Variants in CPED1 observed in about 807,000 individuals in gnomAD.
CPED1 encodes the protein cadherin-like and PC-esterase domain-containing protein 1.
In CPED1, 114 loss-of-function variants were observed where a neutral mutation model predicts 128.2. That is an observed-to-expected ratio of 0.89 (90% confidence interval 0.76 to 1.04). The LOEUF is 1.04. Ranked by LOEUF, CPED1 falls within the 50% of genes least tolerant of loss-of-function variation. CPED1 has a pLI of 0.00. For missense variants in CPED1, 1,211 were observed against 1,207.1 expected, an observed-to-expected ratio of 1.00 and a Z score of -0.05; for synonymous variants, 462 against 426.7, an observed-to-expected ratio of 1.08 and a Z score of -1.02.
intron 16 of CPED1, among the ~76,000 whole-genome samples, chr7:121,208,156 A>T (rs1797562355): frequency 6.6e-6 from 1 of 152,154 alleles, no homozygotes; most frequent in East Asian, 1.9e-4. Flanking sequence ...CCATGACATT[A>T]TCAGGATAAA....
intron 1 of CPED1, 197 bp from the exon 2 acceptor site, chr7:120,989,194 A>G (rs534353465): frequency 5.8e-6 from 1 of 171,908 alleles, no homozygotes; most frequent in African/African-American, 2.4e-5. Flanking sequence ...GCGTTCTTCA[A>G]TGCTGTTTTC....
At chr7:120,994,295 C>T (rs1008845664) in intron 2 of CPED1, among the ~76,000 whole-genome samples, 2 of 152,156 alleles carry the variant, frequency 1.3e-5, no homozygotes, top group Non-Finnish European at 2.9e-5. Flanking sequence ...CCCTACAGAA[C>T]CTTGCTTCCT....
intron 5 of CPED1, among the ~76,000 whole-genome samples, chr7:121,069,800 G>A (rs549633045): frequency 6.6e-6 from 1 of 152,260 alleles, no homozygotes; most frequent in African/African-American, 2.4e-5. Context: ...TGAAAGACAA[G>A]TATAAAACAA....
chr7:121,080,506 G>T (rs1054090250), intron 5 of CPED1, among the ~76,000 whole-genome samples: 2 of 152,104 alleles, frequency 1.3e-5, no homozygotes, highest in African/African-American at 4.8e-5. Context: ...TTATTTTGAA[G>T]CCATCAGGGG....
intron 4 of CPED1, chr7:121,051,767 A>G (rs1793360055): frequency 1.6e-5 from 3 of 190,784 alleles, no homozygotes; most frequent in African/African-American, 2.4e-5. Context: ...TGTAGTGTAT[A>G]TGCTATTCAG....
chr7:121,163,110 T>A (rs1268733458), intron 16 of CPED1, among the ~76,000 whole-genome samples: 1 of 152,216 alleles, frequency 6.6e-6, no homozygotes, highest in African/African-American at 2.4e-5. Flanking sequence ...AAAAGATGTC[T>A]ATGAAATATC....
chr7:121,096,827 A>G (rs1474626165), intron 5 of CPED1, among the ~76,000 whole-genome samples: 2 of 152,156 alleles, frequency 1.3e-5, no homozygotes, highest in African/African-American at 4.8e-5. Context: ...TAAATAAGCC[A>G]GACATATATT....
At chr7:121,198,862 G>A (rs990981894) in intron 16 of CPED1, among the ~76,000 whole-genome samples, 2 of 152,054 alleles carry the variant, frequency 1.3e-5, no homozygotes, top group African/African-American at 2.4e-5. Flanking sequence ...CCTGTTACAC[G>A]GACCTTCAAA....
intron 16 of CPED1, among the ~76,000 whole-genome samples, chr7:121,160,799 A>G (rs1048059168): frequency 2.0e-5 from 3 of 152,114 alleles, no homozygotes; most frequent in Non-Finnish European, 2.9e-5. Flanking sequence ...TAGGCTTCTC[A>G]GGGACCCAGC....
chr7:121,175,035 G>C (rs1796743899), intron 16 of CPED1, among the ~76,000 whole-genome samples: 2 of 152,140 alleles, frequency 1.3e-5, no homozygotes, highest in African/African-American at 2.4e-5. Context: ...TGTAGTTGGT[G>C]TAGAGAAATG....
At chr7:121,134,824 G>A (rs890560792) in intron 13 of CPED1, among the ~76,000 whole-genome samples, 4 of 151,886 alleles carry the variant, frequency 2.6e-5, no homozygotes, top group Non-Finnish European at 5.9e-5. Context: ...CTATTAAGGG[G>A]CCATTTAAAA....
At chr7:121,026,189 A>C (rs1792576815) in intron 3 of CPED1, among the ~76,000 whole-genome samples, 1 of 152,178 alleles carries the variant, frequency 6.6e-6, no homozygotes, top group Admixed American at 6.5e-5. Flanking sequence ...TGTCAAAAAA[A>C]CAAACAAAAA....
intron 3 of CPED1, among the ~76,000 whole-genome samples, chr7:121,023,517 A>G (rs1035807209): frequency 5.9e-5 from 9 of 152,176 alleles, no homozygotes; most frequent in African/African-American, 2.2e-4. Context: ...GTGGTACAAT[A>G]TAAGACTCAA....
At chr7:120,995,898 C>CTT (rs1796389893) in intron 2 of CPED1, among the ~76,000 whole-genome samples, 1 of 139,830 alleles carries the variant, frequency 7.2e-6, no homozygotes, top group East Asian at 2.0e-4. Flanking sequence ...TCTTCTTCTT[C>CTT]CTCTTCTTCT....
chr7:121,182,635 T>A (rs1453885871), intron 16 of CPED1, among the ~76,000 whole-genome samples: 1 of 152,082 alleles, frequency 6.6e-6, no homozygotes, highest in Non-Finnish European at 1.5e-5. Flanking sequence ...TAACTGATGT[T>A]CAGTGTAGCT....
chr7:121,041,915 A>G (rs987961927), intron 3 of CPED1, among the ~76,000 whole-genome samples: 1 of 152,116 alleles, frequency 6.6e-6, no homozygotes, highest in Non-Finnish European at 1.5e-5. Context: ...AGATAACACT[A>G]TGAAGGCATG....
At chr7:121,169,551 T>C (rs1796605132) in intron 16 of CPED1, among the ~76,000 whole-genome samples, 1 of 152,214 alleles carries the variant, frequency 6.6e-6, no homozygotes. Flanking sequence ...TATCATTTTG[T>C]TGAAATTTTT....
At chr7:121,035,356 G>A (rs897861710) in intron 3 of CPED1, among the ~76,000 whole-genome samples, 1 of 152,196 alleles carries the variant, frequency 6.6e-6, no homozygotes, top group Non-Finnish European at 1.5e-5. Context: ...ACTTTGCAGA[G>A]ATGATATCTT....
rs1384060749 is a variant in CPED1, at chr7:121,049,395, G to A, written c.540+2402G>A. On this transcript the variant is annotated intron_variant, in intron 4 of 22. Coordinates refer to ENST00000310396, the MANE Select transcript of CPED1 (RefSeq NM_024913.5). Reference sequence around the variant, plus strand: ...GTAGCTTTTGCCATATCACAGACCTGCAGAGAGGGAGCCTTGGGGATAAAC... The same window carrying A: ...GTAGCTTTTGCCATATCACAGACCTACAGAGAGGGAGCCTTGGGGATAAAC... Among the ~76,000 whole-genome samples, 4 of 152,198 alleles carry A rather than the reference G, an allele frequency of 2.6e-5. No individual in the cohort carries two copies. In the South Asian group the frequency reaches 6.2e-4, roughly 24 times the overall value.
Sources: allele counts gnomAD v4.1 joint callset (sites outside exome capture counted in the v4.1 genomes callset), GRCh38; gene constraint gnomAD v4.1.1; transcripts MANE v1.5; gene names NCBI Gene and HGNC (gene_info 2026-07-23, HGNC 2026-07-21).